UBE2U: variants seen among roughly 807,000 people sequenced by gnomAD.
The protein encoded by UBE2U is ubiquitin-conjugating enzyme E2 U.
Under a neutral mutation model 41.2 loss-of-function variants are expected in UBE2U, and 39 were observed. That is an observed-to-expected ratio of 0.95 (90% CI 0.73 to 1.24). UBE2U has a LOEUF of 1.24. Among genes scored for constraint, UBE2U ranks in the 50% most tolerant of loss-of-function variants. The probability of loss-of-function intolerance (pLI) is 0.00; values close to 1 mark genes in which losing one functional copy is unlikely to be tolerated. For synonymous variants in UBE2U, 107 were observed against 117.8 expected, an observed-to-expected ratio of 0.91 and a Z score of 0.60; for missense variants, 336 against 363.1, an observed-to-expected ratio of 0.93 and a Z score of 0.61.
At chr1:64,221,889 A>G (rs1234622092) in intron 6 of UBE2U, among the ~76,000 whole-genome samples, 2 of 152,112 alleles carry the variant, frequency 1.3e-5, no homozygotes, top group Non-Finnish European at 2.9e-5. Flanking sequence ...GATCGAGACC[A>G]TCCTGGCTAA....
intron 8 of UBE2U, among the ~76,000 whole-genome samples, chr1:64,250,742 G>T (rs1450223470): frequency 6.6e-6 from 1 of 152,062 alleles, no homozygotes; most frequent in Non-Finnish European, 1.5e-5. Context: ...CATAAAAAAT[G>T]ATGAGTTCAT....
chr1:64,232,889 G>A (rs1260347175), intron 7 of UBE2U, among the ~76,000 whole-genome samples: 3 of 152,022 alleles, frequency 2.0e-5, no homozygotes, highest in African/African-American at 7.2e-5. Context: ...GGAGTGCAGT[G>A]GCACAATAAT....
intron 5 of UBE2U, among the ~76,000 whole-genome samples, chr1:64,217,235 T>C (rs568589187): frequency 6.6e-6 from 1 of 152,304 alleles, no homozygotes; most frequent in East Asian, 1.9e-4. Flanking sequence ...AATGACCATT[T>C]TTCAGAGATG....
At position 64,253,946 on chromosome 1, in the gene UBE2U, C is replaced by T. The variant is rs546520199; in HGVS notation, c.678-6657C>T. Among the ~76,000 whole-genome samples, 13 of 152,156 alleles carry T rather than the reference C, an allele frequency of 8.5e-5. No homozygotes were observed. The South Asian group carries it at 1.0e-3, about 12-fold the overall frequency. On this transcript the variant is annotated intron_variant, in intron 8 of 9. Coordinates refer to ENST00000371077, the MANE Select transcript of UBE2U (RefSeq NM_001366232.2). ...CTTAAATGCAAATGTGCTAAACGCC[C>T]CAAATAGAAGACATAGAGTGGCAAG...
At chr1:64,255,844 G>A (rs1462146800) in intron 8 of UBE2U, among the ~76,000 whole-genome samples, 1 of 151,048 alleles carries the variant, frequency 6.6e-6, no homozygotes, top group African/African-American at 2.5e-5. Context: ...TTTGTTTGCC[G>A]ATACCATGAT....
At chr1:64,246,672 T>G (rs4915956) in intron 8 of UBE2U, among the ~76,000 whole-genome samples, 2 of 151,984 alleles carry the variant, frequency 1.3e-5, no homozygotes, top group Non-Finnish European at 2.9e-5. Flanking sequence ...TGCTTGGATG[T>G]TTTTAGAGAT....
intron 4 of UBE2U, among the ~76,000 whole-genome samples, chr1:64,212,213 A>T (rs1278560600): frequency 1.3e-5 from 2 of 152,174 alleles, no homozygotes; most frequent in Non-Finnish European, 2.9e-5. Context: ...ATCTGGGGTT[A>T]ATCCTTTGGA....
Position 64,214,925 on chromosome 1 carries a change from A to C in UBE2U, c.450A>C (p.Pro150=), listed in dbSNP as rs1487197998. ...CAATTCTAAGACTTTTCAACAGGCC[A>C]TTACAAAGTAAGAAGTATCTACTTT... ...YRTILRLFNR[P]LQMKDDSQEL... is the part of the protein sequence containing the mutation. Residue 150 remains proline, a synonymous_variant, in exon 5 of 10, where the codon CCA becomes CCC. Transcript: ENST00000371077. 9 of 1,613,034 alleles carry C rather than the reference A, an allele frequency of 5.6e-6. No homozygotes were observed. The highest frequency in any genetic ancestry group is 5.1e-6 in the Non-Finnish European group (6 of 1,179,018).
intron 3 of UBE2U, among the ~76,000 whole-genome samples, chr1:64,207,952 T>A (rs377164562): frequency 1.3e-4 from 20 of 151,636 alleles, no homozygotes; most frequent in African/African-American, 4.8e-4. Flanking sequence ...TCAATCAATA[T>A]AAAAAGAACA....
intron 8 of UBE2U, among the ~76,000 whole-genome samples, chr1:64,248,994 A>G (rs953771559): frequency 6.6e-6 from 1 of 152,214 alleles, no homozygotes; most frequent in Non-Finnish European, 1.5e-5. Context: ...TGTGAGCCAG[A>G]ATGAAGAACA....
rs200788477 is a variant in UBE2U, at chr1:64,267,172, G to C, written c.918G>C (p.Trp306Cys). 3,085 of 1,540,552 alleles carry C rather than the reference G, an allele frequency of 2.0e-3. 6 individuals are homozygous for C. The highest frequency in any genetic ancestry group is 2.4e-3 in the Non-Finnish European group (2,801 of 1,144,612). The change falls in exon 10 of 10, where the codon TGG (tryptophan) becomes TGC (cysteine). Residue 306 changes from tryptophan (W) to cysteine (C), a missense_variant. By Grantham distance (215) the Trp-to-Cys change is radical. Transcript: ENST00000371077. ...REEEVEDLIS[W>C]TNTLNTNTSE... ...AGGAAGTGGAAGATCTGATCTCCTG[G>C]ACCAATACTCTCAATACAAATACTT...
chr1:64,236,522 G>T (rs1008882863), intron 7 of UBE2U, among the ~76,000 whole-genome samples: 1 of 152,144 alleles, frequency 6.6e-6, no homozygotes, highest in African/African-American at 2.4e-5. Context: ...AAAAGGTTTG[G>T]CAGAGAACAA....
chr1:64,239,070 AAGAGGAAGAG>A (rs1644730595), intron 7 of UBE2U, among the ~76,000 whole-genome samples: 8 of 67,490 alleles, frequency 1.2e-4, no homozygotes, highest in Admixed American at 2.1e-4. Context: ...GAAGAAGAGG[AAGAGGAAGAG>A]GAAGAGGAAG....
chr1:64,233,702 G>A (rs1644613644), intron 7 of UBE2U, among the ~76,000 whole-genome samples: 1 of 152,206 alleles, frequency 6.6e-6, no homozygotes, highest in Non-Finnish European at 1.5e-5. Flanking sequence ...TAAAAAGACA[G>A]ATTGAGAGAG....
chr1:64,240,744 A>T (rs189533627), intron 7 of UBE2U, among the ~76,000 whole-genome samples: 16 of 152,268 alleles, frequency 1.1e-4, no homozygotes, highest in Admixed American at 9.8e-4. Context: ...GCTCAAAACA[A>T]AATTTCTCTT....
chr1:64,262,711 C>T (rs928415724), intron 9 of UBE2U, among the ~76,000 whole-genome samples: 1 of 152,116 alleles, frequency 6.6e-6, no homozygotes. Flanking sequence ...TGAGTGAGAC[C>T]TTATCACTTG....
intron 9 of UBE2U, among the ~76,000 whole-genome samples, chr1:64,262,771 G>A (rs1645197454): frequency 6.6e-6 from 1 of 152,284 alleles, no homozygotes; most frequent in African/African-American, 2.4e-5. Context: ...CACTCAGAAA[G>A]GAGGAGTTTA....
intron 8 of UBE2U, among the ~76,000 whole-genome samples, chr1:64,248,316 C>T (rs564108654): frequency 2.6e-5 from 4 of 151,932 alleles, no homozygotes; most frequent in Admixed American, 6.6e-5. Context: ...AGGGTTGAGG[C>T]GGGAAGGGCT....
intron 8 of UBE2U, among the ~76,000 whole-genome samples, chr1:64,253,907 A>G (rs1333857956): frequency 1.3e-5 from 2 of 152,204 alleles, no homozygotes; most frequent in African/African-American, 4.8e-5. Flanking sequence ...AAAATCACAC[A>G]TAACAATACT....
Sources: gnomAD v4.1 joint callset for allele counts (sites outside exome capture counted in the v4.1 genomes callset) on GRCh38, gnomAD v4.1.1 for gene constraint, MANE v1.5 for transcripts, NCBI Gene and HGNC (gene_info 2026-07-23, HGNC 2026-07-21) for gene names.